The following LRRC9 variants were observed in gnomAD, a reference collection of about 807,000 sequenced individuals.
LRRC9 encodes leucine rich repeat containing 9.
In LRRC9, 122 loss-of-function variants were observed where a neutral mutation model predicts 63.2. That is an observed-to-expected ratio of 1.93 (90% CI 1.67 to 2.24). The LOEUF (loss-of-function observed/expected upper bound fraction) is 2.24, where lower values mean the gene tolerates loss of function less well. Ranked by LOEUF, LRRC9 falls within the 30% of genes most tolerant of loss-of-function variation. The probability of loss-of-function intolerance (pLI) is 0.00; values close to 1 mark genes in which losing one functional copy is unlikely to be tolerated. For missense variants in LRRC9, 1,071 were observed against 627.7 expected (o/e 1.71, Z -7.55); for synonymous variants, 366 against 213.1 (o/e 1.72, Z -6.25).
rs537645504 is a variant in LRRC9, at chr14:60,003,714, A to C, written c.2758A>C (p.Asn920His). Residue 920 changes from asparagine to histidine, a missense_variant, in exon 21 of 32, where the codon AAT (asparagine) becomes CAT (histidine). Physicochemically the swap from Asn to His is moderately conservative, Grantham distance 68 (BLOSUM62 1). Transcript: ENST00000445360. This position sits in a 1 kb window ranked among gnomAD's most constrained non-coding sequence, Gnocchi z 4.2. The stretch of plus-strand genomic sequence containing the variant: ...GAAATGGGCATCATTCAGCAATAAT[A>C]ATCTCACTAAAATGGAGGGTCTGGA... The C allele has an allele frequency of 1.4e-6, 1 of 697,036 alleles. No individual in the cohort carries two copies. Among genetic ancestry groups the C allele is most frequent in the African/African-American group, 1.8e-5 (1 of 56,988 alleles). The allele number at this position is 697,036 out of a possible 1,614,324, so 43.2% of individuals were successfully genotyped here. A position where few individuals can be genotyped will look rare whatever the true frequency, so the allele number is the denominator to read the frequency against.
intron 29 of LRRC9, among the ~76,000 whole-genome samples, chr14:60,041,826 C>T (rs1238780025): frequency 6.6e-6 from 1 of 152,204 alleles, no homozygotes; most frequent in Non-Finnish European, 1.5e-5. Context: ...AAGAGGCACT[C>T]AGATTTTTAG....
At chr14:60,019,140 A>T in exon 26 of LRRC9, 1 of 694,592 alleles carries the variant, frequency 1.4e-6, no homozygotes, top group Non-Finnish European at 2.6e-6. Flanking sequence ...CTTAACTATA[A>T]TCATATTGAA....
chr14:59,931,693 T>C lies in LRRC9; in HGVS notation c.472+11T>C. ...TAATAAATAGCATTGGTATGTACTA[T>C]TTCATTTGGAATCTGAGATAATGCT... On this transcript the variant is annotated intron_variant, in intron 5 of 31. Coordinates refer to ENST00000445360, the Ensembl canonical transcript of LRRC9. 1 of 679,762 alleles carries C rather than the reference T, an allele frequency of 1.5e-6. No individual in the cohort carries two copies. The highest frequency in any genetic ancestry group is 2.7e-6 in the Non-Finnish European group (1 of 376,322). 42.1% of individuals were successfully genotyped at this position (679,762 alleles called of 1,614,324 possible).
At chr14:59,973,148 A>C (rs1358883834) in intron 12 of LRRC9, among the ~76,000 whole-genome samples, 4 of 151,964 alleles carry the variant, frequency 2.6e-5, no homozygotes, top group Non-Finnish European at 5.9e-5. Context: ...TAAATTTCTG[A>C]TTATTTGAAT....
At chr14:60,018,114 CTA>C (rs1401188401) in intron 24 of LRRC9, among the ~76,000 whole-genome samples, 2 of 151,824 alleles carry the variant, frequency 1.3e-5, no homozygotes, top group African/African-American at 4.8e-5. Context: ...TATAATAGTG[CTA>C]TGTTTATATG....
intron 8 of LRRC9, among the ~76,000 whole-genome samples, chr14:59,946,482 A>C (rs1288617447): frequency 6.6e-6 from 1 of 151,256 alleles, no homozygotes; most frequent in African/African-American, 2.4e-5. Context: ...GAATATGCTT[A>C]ATCTATTTTC....
Position 59,986,783 on chromosome 14 carries a change from T to A in LRRC9, c.2211+1559T>A, listed in dbSNP as rs1887517327. 6.6e-6 allele frequency among the ~76,000 whole-genome samples: 1 copy of A among 152,194 alleles called. No homozygotes were observed. The highest frequency in any genetic ancestry group is 1.5e-5 in the Non-Finnish European group (1 of 68,026). On this transcript the variant is annotated intron_variant, in intron 17 of 31. Transcript: ENST00000445360. This position sits in a 1 kb window ranked among gnomAD's most constrained non-coding sequence, Gnocchi z 4.7. Reference sequence around the variant, plus strand: ...TTTAATACAAAAATTATTTTCATTATCATAGCCTCACAGTCTACTTGTTAA... The same window carrying A: ...TTTAATACAAAAATTATTTTCATTAACATAGCCTCACAGTCTACTTGTTAA...
At chr14:60,045,763 GATTTATATTCCTTGGGGTATAC>G (rs1438059860) in intron 29 of LRRC9, among the ~76,000 whole-genome samples, 1 of 152,120 alleles carries the variant, frequency 6.6e-6, no homozygotes, top group East Asian at 1.9e-4. Flanking sequence ...CTAATAGAAT[GATTTATATTCCTTGGGGTATAC>G]ATCCAGTAAT....
downstream of LRRC9, among the ~76,000 whole-genome samples, chr14:60,065,555 G>A (rs1894863618): frequency 7.0e-6 from 1 of 143,486 alleles, no homozygotes; most frequent in African/African-American, 2.5e-5. Context: ...GGCTAAGGCA[G>A]GAGAATCGCT....
intron 8 of LRRC9, among the ~76,000 whole-genome samples, chr14:59,957,214 A>G (rs1442986218): frequency 1.3e-5 from 2 of 152,128 alleles, no homozygotes; most frequent in Non-Finnish European, 2.9e-5. Flanking sequence ...AATATCCTGA[A>G]GTGTGTTTTC....
Position 59,938,422 on chromosome 14 carries a change from A to G in LRRC9, c.576A>G (p.Leu192=). The change falls in exon 7 of 32, where the codon TTA becomes TTG. Residue 192 remains leucine (L), a synonymous_variant. Coordinates refer to ENST00000445360, the Ensembl canonical transcript of LRRC9. This position sits in a 1 kb window ranked among gnomAD's most constrained non-coding sequence, Gnocchi z 4.2. Reference sequence around the variant, plus strand: ...CGAACTTAACCAGGCTGCCTTGCTTAAAGGATTTATGTCTGAATGACCCTC... The same window carrying G: ...CGAACTTAACCAGGCTGCCTTGCTTGAAGGATTTATGTCTGAATGACCCTC... The G allele has an allele frequency of 1.4e-6, 1 of 692,622 alleles. No individual in the cohort carries two copies. Among genetic ancestry groups the G allele is most frequent in the Non-Finnish European group, 2.6e-6 (1 of 380,674 alleles). 42.9% of individuals were successfully genotyped at this position (692,622 alleles called of 1,614,324 possible).
intron 19 of LRRC9, among the ~76,000 whole-genome samples, chr14:60,001,415 T>C (rs764356730): frequency 2.6e-5 from 4 of 152,046 alleles, no homozygotes; most frequent in Non-Finnish European, 1.5e-5. Flanking sequence ...TACAGCTACA[T>C]AGAGAAGCTT....
chr14:59,930,897 C>G lies in LRRC9; in HGVS notation c.268-21C>G, dbSNP rs1443554389. On this transcript the variant is annotated intron_variant, in intron 3 of 31. Transcript: ENST00000445360. This position sits in a 1 kb window ranked among gnomAD's most constrained non-coding sequence, Gnocchi z 4.9. The stretch of plus-strand genomic sequence containing the variant: ...TAGCAAAACATAAACTAACATTATT[C>G]AGTCTCCTTTTCTTTTACAGAAAAT... The G allele has an allele frequency of 4.9e-6, 2 of 407,948 alleles. No individual in the cohort carries two copies. Among genetic ancestry groups the G allele is most frequent in the Non-Finnish European group, 8.9e-6 (2 of 225,776 alleles). The allele number at this position is 407,948 out of a possible 1,614,324, so 25.3% of individuals were successfully genotyped here. A position where few individuals can be genotyped will look rare whatever the true frequency, so the allele number is the denominator to read the frequency against.
At chr14:59,979,987 A>G (rs1489398972) in intron 15 of LRRC9, among the ~76,000 whole-genome samples, 2 of 152,174 alleles carry the variant, frequency 1.3e-5, no homozygotes, top group African/African-American at 4.8e-5. Context: ...ATTAAAAAAA[A>G]GAAAAACTCA....
intron 8 of LRRC9, among the ~76,000 whole-genome samples, chr14:59,945,358 A>G (rs1416258756): frequency 1.3e-5 from 2 of 152,022 alleles, no homozygotes; most frequent in African/African-American, 4.8e-5. Context: ...AGTATGAGGA[A>G]ATAATGGATT....
intron 10 of LRRC9, among the ~76,000 whole-genome samples, chr14:59,961,262 A>G (rs1047293882): frequency 6.6e-6 from 1 of 152,218 alleles, no homozygotes; most frequent in Non-Finnish European, 1.5e-5. Context: ...CCGTGAGCCA[A>G]CCTTGAAGAC....
At chr14:59,929,825 C>A (rs1214688958) in intron 3 of LRRC9, among the ~76,000 whole-genome samples, 1 of 152,020 alleles carries the variant, frequency 6.6e-6, no homozygotes, top group Non-Finnish European at 1.5e-5. Context: ...AACCCAGGAA[C>A]AGAAAAGCAA....
chr14:59,972,286 G>C (rs748145985), intron 12 of LRRC9, among the ~76,000 whole-genome samples: 1 of 152,060 alleles, frequency 6.6e-6, no homozygotes, highest in African/African-American at 2.4e-5. Flanking sequence ...CTAGTTTGCA[G>C]GTTAATCCAA....
chr14:59,992,615 G>A (rs375033138), intron 17 of LRRC9, among the ~76,000 whole-genome samples: 1 of 152,174 alleles, frequency 6.6e-6, no homozygotes, highest in African/African-American at 2.4e-5. Context: ...AGTCCTTAAA[G>A]GACCTGATGG....
Sources: gnomAD v4.1 joint callset for allele counts (sites outside exome capture counted in the v4.1 genomes callset) on GRCh38, gnomAD v4.1.1 for gene constraint, Gnocchi (gnomAD v3.1) non-coding constraint, MANE v1.5 for transcripts, NCBI Gene and HGNC (gene_info 2026-07-23, HGNC 2026-07-21) for gene names.